The following ASIC4 variants were observed in gnomAD, a reference collection of about 807,000 sequenced individuals.
ASIC4 encodes the protein acid-sensing ion channel 4.
In ASIC4, 28 loss-of-function variants were observed where a neutral mutation model predicts 53.4. That is an observed-to-expected ratio of 0.52 (90% CI 0.39 to 0.72). ASIC4 has a LOEUF of 0.72. Ranked by LOEUF, ASIC4 falls within the 30% of genes least tolerant of loss-of-function variation. The pLI is 0.00. For synonymous variants in ASIC4, 289 were observed against 301.4 expected (o/e 0.96, Z 0.43); for missense variants, 649 against 729.7 (o/e 0.89, Z 1.27).
intron 1 of ASIC4, among the ~76,000 whole-genome samples, chr2:219,524,683 A>G (rs190806632): frequency 9.8e-5 from 15 of 152,376 alleles, no homozygotes; most frequent in African/African-American, 3.6e-4. Flanking sequence ...TCTGAATCCC[A>G]CAGACTTAAC....
upstream of ASIC4, chr2:219,514,417 C>G: frequency 6.5e-7 from 1 of 1,549,366 alleles, no homozygotes; most frequent in Non-Finnish European, 8.7e-7. Context: ...CGCTCGCTCG[C>G]AGGGACACAC....
chr2:219,522,303 A>G (rs1007492360), intron 1 of ASIC4, among the ~76,000 whole-genome samples: 11 of 149,130 alleles, frequency 7.4e-5, no homozygotes, highest in African/African-American at 2.7e-4. Flanking sequence ...GCGGTGACTA[A>G]GCGTGGACAG....
chr2:219,518,466 G>A lies in ASIC4; in HGVS notation c.582+3160G>A, dbSNP rs1574487815. ...GAGAGGGCCCTGGGAGGTGGGCCCC[G>A]TATGTTTGCTCTGCATGGTGGCTAG... On this transcript the variant is annotated intron_variant, in intron 1 of 9. Transcript: ENST00000358078. The surrounding 1 kb of genome is among the most constrained non-coding windows in gnomAD (Gnocchi z 4.8). 2.0e-5 allele frequency among the ~76,000 whole-genome samples: 3 copies of A among 152,114 alleles called. No individual in the cohort carries two copies. Among genetic ancestry groups the A allele is most frequent in the African/African-American group, 4.8e-5 (2 of 41,478 alleles).
Position 219,518,834 on chromosome 2 carries a change from G to A in ASIC4, c.582+3528G>A, listed in dbSNP as rs1313210278. Among the ~76,000 whole-genome samples the A allele has an allele frequency of 7.9e-5, 12 of 152,312 alleles. No homozygotes were observed. Among genetic ancestry groups the A allele is most frequent in the Admixed American group, 6.5e-4 (10 of 15,302 alleles). On this transcript the variant is annotated intron_variant, in intron 1 of 9. Coordinates refer to ENST00000358078, the MANE Select transcript of ASIC4 (RefSeq NM_018674.6). The surrounding 1 kb of genome is among the most constrained non-coding windows in gnomAD (Gnocchi z 4.8). ...TGGGGACCACCAGGATTCGAACCTC[G>A]GCTCTACGCATTAAGCTGTGTGGCC...
In ASIC4 at chr2:219,537,379, G is replaced by A. The variant is rs749207096; in HGVS notation, c.1401+58G>A. On this transcript the variant is annotated intron_variant, in intron 8 of 9. Coordinates refer to ENST00000358078, the MANE Select transcript of ASIC4 (RefSeq NM_018674.6). The surrounding 1 kb of genome is among the most constrained non-coding windows in gnomAD (Gnocchi z 4.9). ...GGGGCCGTGGGCAAAGCAGAAGGGG[G>A]CAGTGCGGGGTGCCTGGTGGAGCTG... The A allele has an allele frequency of 1.3e-6, 2 of 1,542,254 alleles. No homozygotes were observed. Among genetic ancestry groups the A allele is most frequent in the East Asian group, 2.3e-5 (1 of 43,038 alleles).
intron 5 of ASIC4, chr2:219,533,162 A>C: frequency 1.7e-6 from 1 of 599,892 alleles, no homozygotes; most frequent in Non-Finnish European, 3.0e-6. Context: ...GGGGTTGCAG[A>C]GAAGCCAGGA....
At chr2:219,527,060 C>T (rs1694972408) in intron 1 of ASIC4, among the ~76,000 whole-genome samples, 1 of 152,352 alleles carries the variant, frequency 6.6e-6, no homozygotes, top group African/African-American at 2.4e-5. Flanking sequence ...GCCCCCTCTT[C>T]CTGGGCCAGT....
chr2:219,514,392 G>A (rs773601560), upstream of ASIC4: 25 of 1,547,560 alleles, frequency 1.6e-5, no homozygotes, highest in African/African-American at 4.1e-5. Flanking sequence ...AGCAGCGCTC[G>A]CTCCCTCGCT....
chr2:219,514,395 C>T (rs61747688), upstream of ASIC4: 639 of 1,548,404 alleles, frequency 4.1e-4, 2 homozygotes, highest in African/African-American at 7.5e-3. Flanking sequence ...AGCGCTCGCT[C>T]CCTCGCTCAC....
chr2:219,528,100 AG>A (rs1451799084), intron 1 of ASIC4, among the ~76,000 whole-genome samples: 1 of 152,290 alleles, frequency 6.6e-6, no homozygotes. Flanking sequence ...TGGCTGTGTC[AG>A]CAAGAGCTGA....
chr2:219,537,586 A>C lies in ASIC4; in HGVS notation c.1402-46A>C, dbSNP rs753653192. 6 of 1,549,062 alleles carry C rather than the reference A, an allele frequency of 3.9e-6. No homozygotes were observed. In the African/African-American group the frequency reaches 4.1e-5, roughly 11 times the overall value. ...ATGGTAAGGCTCACGCTTCTCCTCA[A>C]CCAAATTTCCTGAGCCCACTGCTGT... On this transcript the variant is annotated intron_variant, in intron 8 of 9. Coordinates refer to ENST00000358078, the MANE Select transcript of ASIC4 (RefSeq NM_018674.6). The surrounding 1 kb of genome is among the most constrained non-coding windows in gnomAD (Gnocchi z 4.9).
At chr2:219,520,792 G>A (rs1224962613) in intron 1 of ASIC4, among the ~76,000 whole-genome samples, 1 of 152,196 alleles carries the variant, frequency 6.6e-6, no homozygotes, top group Non-Finnish European at 1.5e-5. Flanking sequence ...AGCCAGGCAG[G>A]TCAGGTTGGG....
At position 219,537,376 on chromosome 2, in the gene ASIC4, G is replaced by A. The variant is rs779930640; in HGVS notation, c.1401+55G>A. The A allele has an allele frequency of 6.5e-7, 1 of 1,541,202 alleles. No homozygotes were observed. The highest frequency in any genetic ancestry group is 1.4e-5 in the African/African-American group (1 of 73,676). ...GTGGGGGCCGTGGGCAAAGCAGAAG[G>A]GGGCAGTGCGGGGTGCCTGGTGGAG... On this transcript the variant is annotated intron_variant, in intron 8 of 9. Coordinates refer to ENST00000358078, the MANE Select transcript of ASIC4 (RefSeq NM_018674.6). The surrounding 1 kb of genome is among the most constrained non-coding windows in gnomAD (Gnocchi z 4.9).
At position 219,537,016 on chromosome 2, in the gene ASIC4, C is replaced by T. The variant is rs1219919008; in HGVS notation, c.1230-50C>T. ...CTGGATCCAGGATGCCCCTGCCAGC[C>T]TTCTCAGGAAGAGAGGCCCACACGG... On this transcript the variant is annotated intron_variant, in intron 6 of 9. Coordinates refer to ENST00000358078, the MANE Select transcript of ASIC4 (RefSeq NM_018674.6). The surrounding 1 kb of genome is among the most constrained non-coding windows in gnomAD (Gnocchi z 4.9). 6.4e-7 allele frequency: 1 copy of T among 1,552,932 alleles called. No homozygotes were observed. Among genetic ancestry groups the T allele is most frequent in the South Asian group, 1.1e-5 (1 of 89,034 alleles).
At chr2:219,514,251 C>G (rs1694738559), upstream of ASIC4, 5 of 1,408,386 alleles carry the variant, frequency 3.6e-6, no homozygotes, top group Non-Finnish European at 3.8e-6. Flanking sequence ...GGGGACTGCC[C>G]CCTCCCCTGG....
intron 1 of ASIC4, among the ~76,000 whole-genome samples, chr2:219,530,093 A>T (rs1224683020): frequency 6.6e-6 from 1 of 152,078 alleles, no homozygotes; most frequent in Non-Finnish European, 1.5e-5. Flanking sequence ...AGCTTTTACC[A>T]GTGGGAAATG....
chr2:219,528,093 C>T (rs973735579), intron 1 of ASIC4, among the ~76,000 whole-genome samples: 1 of 152,278 alleles, frequency 6.6e-6, no homozygotes, highest in African/African-American at 2.4e-5. Flanking sequence ...GCAAAACTGG[C>T]TGTGTCAGCA....
chr2:219,536,697 C>T lies in ASIC4; in HGVS notation c.1230-369C>T, dbSNP rs1695143397. ...GGAGGAAGGTGCCGGGGACAGGCCA[C>T]CGGCTGCCCAGGACACCGAGAAGGG... On this transcript the variant is annotated intron_variant, in intron 6 of 9. Coordinates refer to ENST00000358078, the MANE Select transcript of ASIC4 (RefSeq NM_018674.6). This position sits in a 1 kb window ranked among gnomAD's most constrained non-coding sequence, Gnocchi z 4.6. Among the ~76,000 whole-genome samples, 1 of 151,774 alleles carries T rather than the reference C, an allele frequency of 6.6e-6. No individual in the cohort carries two copies. The highest frequency in any genetic ancestry group is 2.4e-5 in the African/African-American group (1 of 41,262).
chr2:219,526,445 T>C (rs1694962978), intron 1 of ASIC4, among the ~76,000 whole-genome samples: 1 of 151,568 alleles, frequency 6.6e-6, no homozygotes, highest in African/African-American at 2.4e-5. Flanking sequence ...GCAAATAGGA[T>C]AGAGAGTGCA....
Sources: allele counts gnomAD v4.1 joint callset (sites outside exome capture counted in the v4.1 genomes callset), GRCh38; gene constraint gnomAD v4.1.1; non-coding constraint Gnocchi (gnomAD v3.1); transcripts MANE v1.5; gene names NCBI Gene and HGNC (gene_info 2026-07-23, HGNC 2026-07-21).